MYO1C: variants seen among roughly 807,000 people sequenced by gnomAD.
MYO1C encodes the protein myosin IC, also known as unconventional myosin-Ic.
Under a neutral mutation model 150.8 loss-of-function variants are expected in MYO1C, and 104 were observed. The observed-to-expected ratio is 0.69, with a 90% CI of 0.59 to 0.81. MYO1C has a LOEUF of 0.81. Among genes scored for constraint, MYO1C ranks in the 30% least tolerant of loss-of-function variants. The pLI, the probability that MYO1C is intolerant of heterozygous loss-of-function variation, is 0.00. For missense variants in MYO1C, 1,504 were observed against 1,435.0 expected (o/e 1.05, Z -0.78); for synonymous variants, 663 against 579.9 (o/e 1.14, Z -2.06).
Position 1,479,840 on chromosome 17 carries a change from A to G in MYO1C, c.907-135T>C. ...GGCTGGAAGTGGGAATGGGTGTTAA[A>G]GGTGGAAGGTGATTCTGCGGGTGGG... On this transcript the variant is annotated intron_variant, in intron 7 of 31. Transcript: ENST00000648651. The surrounding 1 kb of genome is among the most constrained non-coding windows in gnomAD (Gnocchi z 4.2). 1 of 658,792 alleles carries G rather than the reference A, an allele frequency of 1.5e-6. No homozygotes were observed. 40.8% of individuals were successfully genotyped at this position (658,792 alleles called of 1,614,324 possible).
chr17:1,468,024 T>TCTGCGTGACAAC lies in MYO1C; in HGVS notation c.2859_2860insGTTGTCACGCAG (p.Ala953_Lys954insValValThrGln). ...GCGTAATCAATCCTCTGCTTGACTT[T>TCTGCGTGACAAC]GGCGTCCTCCACGATGACGACGGCG... is the stretch of plus-strand genomic sequence containing the variant. On this transcript the variant is annotated inframe_insertion, in exon 28 of 32. Coordinates refer to ENST00000648651, the MANE Select transcript of MYO1C (RefSeq NM_001080779.2). 1 of 1,612,876 alleles carries TCTGCGTGACAAC rather than the reference T, an allele frequency of 6.2e-7. No individual in the cohort carries two copies. The highest frequency in any genetic ancestry group is 8.5e-7 in the Non-Finnish European group (1 of 1,179,820).
chr17:1,483,511 G>T (rs1446066430), intron 3 of MYO1C, 99 bp downstream of exon 3: 9 of 860,162 alleles, frequency 1.0e-5, no homozygotes, highest in Non-Finnish European at 1.9e-6. Context: ...CAGATGTGGC[G>T]CGGGACGCCA....
Position 1,470,266 on chromosome 17 carries a change from A to T in MYO1C, c.2435T>A (p.Val812Glu). ...CAGGTTTAGCAAAAAAGAGGTGCGC[A>T]CATGGTCCAGGAAGAAGGCGTTCTC... ...CPENAFFLDH[V>E]RTSFLLNLRR... The change falls in exon 24 of 32, where the codon GTG (valine) becomes GAG (glutamate). Residue 812 changes from valine (V) to glutamate (E), a missense_variant. Coordinates refer to ENST00000648651, the MANE Select transcript of MYO1C (RefSeq NM_001080779.2). 6.2e-7 allele frequency: 1 copy of T among 1,602,128 alleles called. No individual in the cohort carries two copies. Among genetic ancestry groups the T allele is most frequent in the Non-Finnish European group, 8.5e-7 (1 of 1,175,228 alleles).
At chr17:1,470,875 G>A (rs558412272) in intron 21 of MYO1C, 186 bp from the exon 22 acceptor site, 3 of 878,314 alleles carry the variant, frequency 3.4e-6, no homozygotes, top group East Asian at 5.3e-5. Flanking sequence ...GTGGGATGGT[G>A]GGCGTGGGGC....
intron 1 of MYO1C, chr17:1,485,425 C>A (rs966963137): frequency 5.5e-6 from 5 of 907,958 alleles, no homozygotes; most frequent in Non-Finnish European, 6.8e-6. Context: ...GAAGCGGCTG[C>A]CAAATCCGGC....
rs775197633 is a variant in MYO1C, at chr17:1,478,265, C to T, written c.1296-73G>A. 61 of 1,560,074 alleles carry T rather than the reference C, an allele frequency of 3.9e-5. No homozygotes were observed. Among genetic ancestry groups the T allele is most frequent in the African/African-American group, 8.1e-5 (6 of 73,802 alleles). ...CCAGGAGAGGGGAAAAGCTGGACGA[C>T]GCCCCTGAGCACAGGAGGTGAGAAA... is the stretch of plus-strand genomic sequence containing the variant. On this transcript the variant is annotated intron_variant, in intron 11 of 31. Coordinates refer to ENST00000648651, the MANE Select transcript of MYO1C (RefSeq NM_001080779.2). This position sits in a 1 kb window ranked among gnomAD's most constrained non-coding sequence, Gnocchi z 6.3.
chr17:1,481,983 G>A (rs2074532845), intron 5 of MYO1C, among the ~76,000 whole-genome samples: 1 of 152,074 alleles, frequency 6.6e-6, no homozygotes. Context: ...CTTTGTCCTG[G>A]CTGTTCCGTT....
At chr17:1,474,312 C>A (rs2074358322) in intron 17 of MYO1C, among the ~76,000 whole-genome samples, 1 of 151,854 alleles carries the variant, frequency 6.6e-6, no homozygotes, top group African/African-American at 2.4e-5. Flanking sequence ...CCTGTAATCC[C>A]AGCTACTCAG....
In MYO1C at chr17:1,474,944, C is replaced by T. The variant is rs747522942; in HGVS notation, c.1663G>A (p.Val555Met). 1.0e-5 allele frequency: 16 copies of T among 1,594,872 alleles called. No individual in the cohort carries two copies. The highest frequency in any genetic ancestry group is 1.1e-5 in the South Asian group (1 of 89,128). The change falls in exon 15 of 32, where the codon GTG becomes ATG. Residue 555 changes from valine (V) to methionine (M), a missense_variant. Physicochemically the swap from Val to Met is conservative, Grantham distance 21. Coordinates refer to ENST00000648651, the MANE Select transcript of MYO1C (RefSeq NM_001080779.2). ...LHYAGEVTYS[V>M]TGFLDKNNDL... ...ACAGCCCCAGGATCCTCACCGGTCA[C>T]GCTGTAGGTCACCTCCCCCGCATAG...
chr17:1,473,230 GACACCCA>G (rs764363194), intron 17 of MYO1C, among the ~76,000 whole-genome samples: 23 of 152,162 alleles, frequency 1.5e-4, no homozygotes, highest in Admixed American at 1.2e-3. Flanking sequence ...AAAAGGGGAT[GACACCCA>G]GGTTTCTGGC....
intron 24 of MYO1C, among the ~76,000 whole-genome samples, 175 bp from the exon 25 acceptor site, chr17:1,469,789 C>G (rs1214986874): frequency 6.6e-6 from 1 of 152,006 alleles, no homozygotes; most frequent in East Asian, 1.9e-4. Flanking sequence ...AATCCCAGCA[C>G]TTTGGGAGGC....
At chr17:1,481,480 C>T (rs1291633592) in intron 5 of MYO1C, among the ~76,000 whole-genome samples, 1 of 152,130 alleles carries the variant, frequency 6.6e-6, no homozygotes, top group African/African-American at 2.4e-5. Flanking sequence ...CCCAATCTCC[C>T]AGTGAAGCAG....
chr17:1,483,188 G>A (rs1285930292), intron 3 of MYO1C, 129 bp from the exon 4 acceptor site: 8 of 930,440 alleles, frequency 8.6e-6, no homozygotes, highest in Non-Finnish European at 1.3e-5. Flanking sequence ...GGGACTGGGG[G>A]TCCCTCACAG....
At chr17:1,472,899 G>T (rs961665335) in intron 17 of MYO1C, among the ~76,000 whole-genome samples, 3 of 152,166 alleles carry the variant, frequency 2.0e-5, no homozygotes, top group Non-Finnish European at 2.9e-5. Context: ...GACAAGGAGA[G>T]AAAAGAACGA....
At chr17:1,491,503 C>A in intron 1 of MYO1C, 1 of 509,074 alleles carries the variant, frequency 2.0e-6, no homozygotes, top group Non-Finnish European at 2.5e-6. Flanking sequence ...CGATCCCCGG[C>A]CGTGACCCCT....
At chr17:1,470,813 G>T in intron 21 of MYO1C, 124 bp from the exon 22 acceptor site, 2 of 1,083,726 alleles carry the variant, frequency 1.8e-6, no homozygotes, top group Non-Finnish European at 2.7e-6. Context: ...AGCAGGAGGA[G>T]AGTGGTGAAG....
At chr17:1,491,962 C>T (rs117310139) in intron 1 of MYO1C, 8,174 of 174,062 alleles carry the variant, frequency 0.047, 254 homozygotes, top group Non-Finnish European at 0.071. Flanking sequence ...GCGGGCCGGG[C>T]CAGGGCCGCG....
At chr17:1,482,368 T>C in intron 5 of MYO1C, 110 bp downstream of exon 5, 1 of 1,021,280 alleles carries the variant, frequency 9.8e-7, no homozygotes, top group Non-Finnish European at 1.5e-6. Flanking sequence ...GTTTGCTTTG[T>C]TTGACTGCTG....
Position 1,478,684 on chromosome 17 carries a change from C to T in MYO1C, c.1144G>A (p.Ala382Thr), listed in dbSNP as rs760121292. Residue 382 changes from alanine to threonine, a missense_variant, in exon 10 of 32, where the codon GCC becomes ACC. Ala to Thr is a moderately conservative substitution (Grantham distance 58, BLOSUM62 0). Transcript: ENST00000648651. The surrounding 1 kb of genome is among the most constrained non-coding windows in gnomAD (Gnocchi z 6.3). ...AAAGTGCGGCTGTACACAGCCTTGG[C>T]GAGGGCGTCTCGTGCGTACGCGGCC... is the stretch of plus-strand genomic sequence containing the variant. ...EQAAYARDAL[A>T]KAVYSRTFTW... The T allele has an allele frequency of 8.1e-5, 130 of 1,614,046 alleles. No homozygotes were observed. The highest frequency in any genetic ancestry group is 1.3e-4 in the South Asian group (12 of 91,092).
Sources: allele counts gnomAD v4.1 joint callset (sites outside exome capture counted in the v4.1 genomes callset), GRCh38; gene constraint gnomAD v4.1.1; non-coding constraint Gnocchi (gnomAD v3.1); transcripts MANE v1.5; gene names NCBI Gene and HGNC (gene_info 2026-07-23, HGNC 2026-07-21).